VWA5B1: variants seen among roughly 807,000 people sequenced by gnomAD.
VWA5B1 encodes the protein von Willebrand factor A domain containing 5B1.
VWA5B1 carries 115 observed loss-of-function variants against 118.2 expected under a neutral mutation model. The observed-to-expected ratio is 0.97, with a 90% CI of 0.84 to 1.14. The LOEUF (loss-of-function observed/expected upper bound fraction) is 1.14. Among genes scored for constraint, VWA5B1 ranks in the 50% most tolerant of loss-of-function variants. VWA5B1 has a pLI of 0.00. For synonymous variants in VWA5B1, 682 were observed against 658.4 expected (o/e 1.04, Z -0.55); for missense variants, 1,596 against 1,603.8 (o/e 1.00, Z 0.08).
intron 1 of VWA5B1, among the ~76,000 whole-genome samples, chr1:20,307,255 C>G (rs148589296): frequency 1.4e-4 from 21 of 152,330 alleles, no homozygotes; most frequent in African/African-American, 4.3e-4. Flanking sequence ...ATGGCCTCGT[C>G]CCTGTCCCTG....
chr1:20,345,175 A>G (rs759775762), intron 16 of VWA5B1, among the ~76,000 whole-genome samples: 1 of 152,200 alleles, frequency 6.6e-6, no homozygotes, highest in Non-Finnish European at 1.5e-5. Context: ...TAAAAATAAA[A>G]CTACAGTTAT....
intron 13 of VWA5B1, 116 bp downstream of exon 13, chr1:20,336,602 ACC>A (rs2089725085): frequency 8.8e-7 from 1 of 1,141,412 alleles, no homozygotes; most frequent in Non-Finnish European, 1.1e-6. Context: ...GTACTGTTAT[ACC>A]CACTTTACAG....
intron 8 of VWA5B1, among the ~76,000 whole-genome samples, chr1:20,324,051 C>T (rs1398178031): frequency 6.6e-6 from 1 of 152,240 alleles, no homozygotes; most frequent in Non-Finnish European, 1.5e-5. Context: ...TGACTGTCCC[C>T]ACCACCTGAC....
intron 1 of VWA5B1, among the ~76,000 whole-genome samples, chr1:20,308,504 G>T (rs954188872): frequency 3.3e-5 from 5 of 152,176 alleles, no homozygotes; most frequent in African/African-American, 1.2e-4. Context: ...TGAACATTGG[G>T]AGGGGGGATG....
intron 16 of VWA5B1, among the ~76,000 whole-genome samples, chr1:20,344,421 G>A (rs1166277905): frequency 6.6e-6 from 1 of 152,120 alleles, no homozygotes; most frequent in African/African-American, 2.4e-5. Flanking sequence ...TAAACCAGCT[G>A]AACAGCCCAG....
chr1:20,309,218 C>A (rs778702846), intron 1 of VWA5B1, among the ~76,000 whole-genome samples: 1 of 152,178 alleles, frequency 6.6e-6, no homozygotes, highest in Non-Finnish European at 1.5e-5. Flanking sequence ...AAGCCAAAGT[C>A]GATGTGGCCC....
Position 20,337,744 on chromosome 1 carries a change from G to T in VWA5B1, c.2041G>T (p.Ala681Ser). Residue 681 changes from alanine to serine, a missense_variant, in exon 14 of 22, where the codon GCT becomes TCT. By Grantham distance (99) the Ala-to-Ser change is moderately conservative (BLOSUM62 1). Coordinates refer to ENST00000289815, the MANE Select transcript of VWA5B1 (RefSeq NM_001039500.3). The part of the protein sequence containing the change: ...RATMASDPMP[A>S]AKRYPLRKAR... ...CACCATGGCAAGTGACCCCATGCCA[G>T]CTGCCAAGAGATACCCACTGCGGAA... The T allele has an allele frequency of 6.4e-7, 1 of 1,551,766 alleles. No individual in the cohort carries two copies. Among genetic ancestry groups the T allele is most frequent in the South Asian group, 1.2e-5 (1 of 84,056 alleles).
chr1:20,352,252 T>C, intron 21 of VWA5B1, 80 bp downstream of exon 21: 1 of 1,057,412 alleles, frequency 9.5e-7, no homozygotes, highest in South Asian at 1.6e-5. Context: ...CCTGCCCACC[T>C]CTCCACTTCC....
At chr1:20,336,231 C>A in intron 12 of VWA5B1, 72 bp from the exon 13 acceptor site, 1 of 1,264,238 alleles carries the variant, frequency 7.9e-7, no homozygotes, top group Non-Finnish European at 1.0e-6. Flanking sequence ...TGCTCACACC[C>A]CTTGCTCCCT....
chr1:20,315,104 C>A (rs2088965330), intron 4 of VWA5B1, among the ~76,000 whole-genome samples: 1 of 152,202 alleles, frequency 6.6e-6, no homozygotes, highest in Non-Finnish European at 1.5e-5. Flanking sequence ...ACGGACCCAA[C>A]CTAGGGGGCC....
chr1:20,308,040 G>C (rs11589079), intron 1 of VWA5B1, among the ~76,000 whole-genome samples: 24,188 of 151,864 alleles, frequency 0.16, 2,768 homozygotes, highest in African/African-American at 0.32. Context: ...TTCCCTCCCC[G>C]ACCAGTAGTC....
intron 14 of VWA5B1, 46 bp from the exon 15 acceptor site, chr1:20,342,386 C>T (rs765602944): frequency 3.2e-6 from 5 of 1,539,222 alleles, no homozygotes; most frequent in Non-Finnish European, 3.5e-6. Context: ...TCCTCCTCCT[C>T]CTCCTCGTCC....
chr1:20,330,822 T>A (rs374389057), intron 10 of VWA5B1, 47 bp from the exon 11 acceptor site: 2 of 1,516,178 alleles, frequency 1.3e-6, no homozygotes, highest in East Asian at 2.5e-5. Context: ...GAGGCAAAGA[T>A]GCAGAGAGGA....
rs763950294 is a variant in VWA5B1, at chr1:20,354,073, C to T, written c.3458C>T (p.Ser1153Leu). The T allele has an allele frequency of 1.1e-4, 169 of 1,551,532 alleles. 1 individual carries two copies. The highest frequency in any genetic ancestry group is 2.7e-4 in the Admixed American group (14 of 51,012). Residue 1153 changes from serine (S) to leucine (L), a missense_variant, in exon 22 of 22, where the codon TCG (serine) becomes TTG (leucine). By Grantham distance (145) the Ser-to-Leu change is moderately radical. Coordinates refer to ENST00000289815, the MANE Select transcript of VWA5B1 (RefSeq NM_001039500.3). Reference sequence around the variant, plus strand: ...GGGCTGGCATGGCTGGAGCACAGTTCGGCCTCCTACTTCACTGAGTGGGAG... The same window carrying T: ...GGGCTGGCATGGCTGGAGCACAGTTTGGCCTCCTACTTCACTGAGTGGGAG... ...VVGLAWLEHS[S>L]ASYFTEWELV...
chr1:20,337,064 C>T (rs1053551474), intron 13 of VWA5B1, among the ~76,000 whole-genome samples: 13 of 152,130 alleles, frequency 8.5e-5, no homozygotes, highest in African/African-American at 3.1e-4. Context: ...GAGAGTGTGA[C>T]ACTTAGAAAG....
At chr1:20,312,662 C>G (rs1056358790) in intron 2 of VWA5B1, among the ~76,000 whole-genome samples, 174 bp from the exon 3 acceptor site, 1 of 152,242 alleles carries the variant, frequency 6.6e-6, no homozygotes, top group African/African-American at 2.4e-5. Context: ...TGCTTACCCA[C>G]CTGGTCCCAG....
intron 21 of VWA5B1, among the ~76,000 whole-genome samples, chr1:20,353,081 TG>T (rs548563878): frequency 1.2e-4 from 18 of 152,180 alleles, no homozygotes; most frequent in Admixed American, 6.5e-4. Context: ...CATGACTTCT[TG>T]GAGAAGGTCA....
intron 13 of VWA5B1, among the ~76,000 whole-genome samples, 186 bp downstream of exon 13, chr1:20,336,672 G>A (rs2089726901): frequency 6.6e-6 from 1 of 152,192 alleles, no homozygotes; most frequent in Non-Finnish European, 1.5e-5. Context: ...TAGAGCAATA[G>A]GTAGAGTACA....
intron 1 of VWA5B1, among the ~76,000 whole-genome samples, chr1:20,309,348 C>T (rs1388986745): frequency 2.0e-5 from 3 of 152,186 alleles, no homozygotes; most frequent in South Asian, 2.1e-4. Flanking sequence ...AACTCAGCTC[C>T]GTGGGGGGAT....
Sources: gnomAD v4.1 joint callset for allele counts (sites outside exome capture counted in the v4.1 genomes callset) on GRCh38, gnomAD v4.1.1 for gene constraint, MANE v1.5 for transcripts, NCBI Gene and HGNC (gene_info 2026-07-23, HGNC 2026-07-21) for gene names.